The following PCDH15 variants were observed in gnomAD, a reference collection of about 807,000 sequenced individuals.
PCDH15 encodes the protein protocadherin-15.
Under a neutral mutation model 178.5 loss-of-function variants are expected in PCDH15, and 129 were observed. The ratio of observed to expected loss-of-function variants is 0.72; its 90% CI spans 0.63 to 0.84. The LOEUF (loss-of-function observed/expected upper bound fraction) is 0.84, where lower values mean the gene tolerates loss of function less well. Ranked by LOEUF, PCDH15 falls within the 40% of genes least tolerant of loss-of-function variation. The probability of loss-of-function intolerance (pLI) is 0.00; values close to 1 mark genes in which losing one functional copy is unlikely to be tolerated. For missense variants in PCDH15, 2,230 were observed against 2,099.9 expected (o/e 1.06, Z -1.21); for synonymous variants, 800 against 732.0 (o/e 1.09, Z -1.50).
intron 17 of PCDH15, among the ~76,000 whole-genome samples, chr10:54,074,601 T>C (rs925533662): frequency 6.6e-6 from 1 of 152,196 alleles, no homozygotes; most frequent in African/African-American, 2.4e-5. Context: ...TACATAAACA[T>C]GGAAAACTGG....
rs752319591 is a variant in PCDH15 at position 54,020,202 on chromosome 10, A to G, written c.2741T>C (p.Val914Ala). 8.7e-6 allele frequency: 14 copies of G among 1,613,558 alleles called. No individual in the cohort carries two copies. In the South Asian group the frequency reaches 1.5e-4, roughly 18 times the overall value. Residue 914 changes from valine (V) to alanine (A), a missense_variant, in exon 20 of 38, where the codon GTG (valine) becomes GCG (alanine). Physicochemically the swap from Val to Ala is moderately conservative, Grantham distance 64. Transcript: ENST00000644397. ...ATCTCTAGCCCTTACCTTTACAATC[A>G]CTGTGACAGTAGCAATACCAGGTGG... ...TMPPGIATVTVIVKDMNDYPP... is the reference protein window; with the variant it reads ...TMPPGIATVTAIVKDMNDYPP...
chr10:54,906,515 T>G (rs2131830263), intron 2 of PCDH15, among the ~76,000 whole-genome samples: 1 of 152,282 alleles, frequency 6.6e-6, no homozygotes, highest in Non-Finnish European at 1.5e-5. Context: ...TCTCTATGTT[T>G]AATTTCATAA....
chr10:53,883,752 C>G (rs10763017), intron 26 of PCDH15, among the ~76,000 whole-genome samples: 97,260 of 152,116 alleles, frequency 0.64, 31,770 homozygotes, highest in Middle Eastern at 0.78. Flanking sequence ...GTCTCACTCT[C>G]TTGCCCAGGC....
intron 2 of PCDH15, among the ~76,000 whole-genome samples, chr10:55,475,030 C>T (rs1035294960): frequency 1.3e-5 from 2 of 152,084 alleles, no homozygotes; most frequent in Admixed American, 6.6e-5. Context: ...TCACAACACT[C>T]GTCTTCGCCC....
intron 2 of PCDH15, among the ~76,000 whole-genome samples, chr10:54,940,154 T>A: frequency 6.6e-6 from 1 of 152,264 alleles, no homozygotes; most frequent in Admixed American, 6.5e-5. Flanking sequence ...ATTATTATTT[T>A]TTAAAATATA....
chr10:55,454,206 T>C (rs1839497761), intron 2 of PCDH15, among the ~76,000 whole-genome samples: 1 of 152,130 alleles, frequency 6.6e-6, no homozygotes, highest in Non-Finnish European at 1.5e-5. Flanking sequence ...TATGATACTA[T>C]GTGCCATTTA....
intron 4 of PCDH15, among the ~76,000 whole-genome samples, chr10:54,375,675 G>A (rs1948284000): frequency 1.3e-5 from 2 of 150,970 alleles, no homozygotes; most frequent in South Asian, 4.2e-4. Context: ...AAGGGTTAAA[G>A]TTAATTATAG....
chr10:54,861,928 T>C (rs1194769837), intron 3 of PCDH15, among the ~76,000 whole-genome samples: 1 of 152,190 alleles, frequency 6.6e-6, no homozygotes, highest in Non-Finnish European at 1.5e-5. Context: ...ATAGAGCTGC[T>C]AGGTAAATAC....
In PCDH15 at chr10:53,825,335, A is replaced by G. The variant is rs139952989; in HGVS notation, c.4367+2058T>C. ...TGAATGACATTTAATAGTAGATGAA[A>G]TCAAATGACATTATTTGAATGTCTT... On this transcript the variant is annotated intron_variant, in intron 32 of 37. Transcript: ENST00000644397. 3.2e-4 allele frequency among the ~76,000 whole-genome samples: 49 copies of G among 152,162 alleles called. 1 individual carries two copies. The East Asian group carries it at 9.3e-3, about 29-fold the overall frequency.
chr10:55,535,185 G>GA (rs1841545597), intron 2 of PCDH15, among the ~76,000 whole-genome samples: 2 of 151,322 alleles, frequency 1.3e-5, no homozygotes, highest in Non-Finnish European at 1.5e-5. Flanking sequence ...GTTTAATTTT[G>GA]AAAAAAATAA....
chr10:55,406,092 C>G (rs1588995459), intron 2 of PCDH15, among the ~76,000 whole-genome samples: 1 of 150,050 alleles, frequency 6.7e-6, no homozygotes, highest in East Asian at 1.9e-4. Context: ...CATAAAGCAG[C>G]AGAGTACCCA....
intron 3 of PCDH15, among the ~76,000 whole-genome samples, chr10:54,431,674 C>T (rs995104892): frequency 6.6e-6 from 1 of 152,114 alleles, no homozygotes; most frequent in African/African-American, 2.4e-5. Flanking sequence ...AACCTGAAAG[C>T]CTTTCCTCTT....
At chr10:54,850,957 A>G (rs950238717) in intron 3 of PCDH15, among the ~76,000 whole-genome samples, 1 of 152,184 alleles carries the variant, frequency 6.6e-6, no homozygotes, top group Non-Finnish European at 1.5e-5. Context: ...TTAGCATGGA[A>G]GAGTAAGATG....
intron 3 of PCDH15, among the ~76,000 whole-genome samples, chr10:54,829,120 A>G (rs1022619477): frequency 6.6e-6 from 1 of 152,050 alleles, no homozygotes; most frequent in East Asian, 1.9e-4. Flanking sequence ...GATAAAGACT[A>G]AAGACTTGGA....
At chr10:53,839,146 G>C (rs2077486803) in intron 29 of PCDH15, among the ~76,000 whole-genome samples, 1 of 146,312 alleles carries the variant, frequency 6.8e-6, no homozygotes, top group Non-Finnish European at 1.5e-5. Flanking sequence ...GGAGCTTGCA[G>C]TGAGCGAGAT....
intron 1 of PCDH15, among the ~76,000 whole-genome samples, chr10:55,316,810 A>G (rs908637974): frequency 3.9e-5 from 6 of 152,190 alleles, no homozygotes; most frequent in Admixed American, 2.0e-4. Flanking sequence ...TAAAAGTGTT[A>G]AATTTCTTAA....
At chr10:55,534,234 A>T (rs946727294) in intron 2 of PCDH15, among the ~76,000 whole-genome samples, 2 of 152,100 alleles carry the variant, frequency 1.3e-5, no homozygotes. Flanking sequence ...AGTGGGACCT[A>T]ATTAAAGTGT....
intron 3 of PCDH15, among the ~76,000 whole-genome samples, chr10:54,871,005 T>C (rs1035051725): frequency 1.3e-5 from 2 of 152,094 alleles, no homozygotes; most frequent in Non-Finnish European, 2.9e-5. Context: ...AATCTCAGGA[T>C]CTGCTCTAGC....
intron 2 of PCDH15, among the ~76,000 whole-genome samples, chr10:55,587,103 T>A: frequency 6.6e-6 from 1 of 151,884 alleles, no homozygotes; most frequent in East Asian, 1.9e-4. Flanking sequence ...TAATCATATA[T>A]GTACCTTTTT....
Sources: allele counts gnomAD v4.1 joint callset (sites outside exome capture counted in the v4.1 genomes callset), GRCh38; gene constraint gnomAD v4.1.1; transcripts MANE v1.5; gene names NCBI Gene and HGNC (gene_info 2026-07-23, HGNC 2026-07-21).